Variants in CEP128 observed in about 807,000 individuals in gnomAD.
The protein encoded by CEP128 is centrosomal protein 128kDa.
In CEP128, 132 loss-of-function variants were observed where a neutral mutation model predicts 156.7. That is an observed-to-expected ratio of 0.84 (90% CI 0.73 to 0.97). CEP128 has a LOEUF of 0.97. Ranked by LOEUF, CEP128 falls within the 50% of genes least tolerant of loss-of-function variation. The probability of loss-of-function intolerance (pLI) is 0.00; values close to 1 mark genes in which losing one functional copy is unlikely to be tolerated. For missense variants in CEP128, 1,252 were observed against 1,281.9 expected (o/e 0.98, Z 0.36); for synonymous variants, 469 against 448.9 (o/e 1.04, Z -0.57).
chr14:80,919,003 A>G (rs890091588), intron 2 of CEP128, among the ~76,000 whole-genome samples: 4 of 152,208 alleles, frequency 2.6e-5, no homozygotes, highest in African/African-American at 9.6e-5. Flanking sequence ...TTAAAGCATA[A>G]TAATTTTCAT....
At chr14:80,675,045 G>T (rs1896003358) in intron 19 of CEP128, among the ~76,000 whole-genome samples, 2 of 152,032 alleles carry the variant, frequency 1.3e-5, no homozygotes, top group Admixed American at 1.3e-4. Context: ...TAGCCATTTT[G>T]CTTTAATTGC....
chr14:80,584,384 G>A (rs1891724857), intron 19 of CEP128, among the ~76,000 whole-genome samples: 3 of 151,970 alleles, frequency 2.0e-5, no homozygotes. Context: ...GACCTCAAGT[G>A]ATCCGCCCGC....
chr14:80,569,059 T>C (rs1891033523), intron 20 of CEP128, among the ~76,000 whole-genome samples: 1 of 152,144 alleles, frequency 6.6e-6, no homozygotes, highest in Non-Finnish European at 1.5e-5. Flanking sequence ...TTGAGAGAGA[T>C]GTGAGTTATG....
intron 21 of CEP128, among the ~76,000 whole-genome samples, chr14:80,555,898 T>C (rs577768659): frequency 1.3e-5 from 2 of 152,178 alleles, no homozygotes; most frequent in African/African-American, 4.8e-5. Context: ...ATGGACTGTA[T>C]TTTTTTGGTT....
chr14:80,876,200 A>G (rs535409929), intron 8 of CEP128, among the ~76,000 whole-genome samples: 40 of 152,154 alleles, frequency 2.6e-4, no homozygotes, highest in African/African-American at 9.2e-4. Context: ...ACACACACAC[A>G]TGCACACACA....
chr14:80,663,154 A>T (rs905692678), intron 19 of CEP128, among the ~76,000 whole-genome samples: 2 of 152,202 alleles, frequency 1.3e-5, no homozygotes, highest in African/African-American at 4.8e-5. Context: ...CTGAGAGAGC[A>T]GGCTCTCTAG....
intron 19 of CEP128, among the ~76,000 whole-genome samples, chr14:80,670,140 C>G (rs1371939339): frequency 6.6e-6 from 1 of 152,166 alleles, no homozygotes; most frequent in Non-Finnish European, 1.5e-5. Context: ...AGAAATCCAC[C>G]CCCATGATAC....
chr14:80,601,005 G>C (rs1205652180), intron 19 of CEP128, among the ~76,000 whole-genome samples: 1 of 151,566 alleles, frequency 6.6e-6, no homozygotes, highest in African/African-American at 2.4e-5. Flanking sequence ...ATATGAAGAA[G>C]ATTATACATG....
chr14:80,938,635 A>C (rs1185348290), intron 2 of CEP128, among the ~76,000 whole-genome samples: 1 of 152,158 alleles, frequency 6.6e-6, no homozygotes, highest in Non-Finnish European at 1.5e-5. Context: ...AAATCCAAAA[A>C]AAGGTCCAGA....
chr14:80,680,203 T>C (rs974671558), intron 19 of CEP128, among the ~76,000 whole-genome samples: 1 of 152,110 alleles, frequency 6.6e-6, no homozygotes, highest in South Asian at 2.1e-4. Flanking sequence ...AGCTGTGGTT[T>C]CTCCTAGGTG....
intron 19 of CEP128, among the ~76,000 whole-genome samples, chr14:80,693,280 A>G (rs1896778703): frequency 6.6e-6 from 1 of 152,198 alleles, no homozygotes; most frequent in Non-Finnish European, 1.5e-5. Flanking sequence ...TTCTACTGCT[A>G]GTATTTCAAT....
intron 22 of CEP128, among the ~76,000 whole-genome samples, chr14:80,530,184 T>C (rs1208386119): frequency 6.6e-6 from 1 of 152,242 alleles, no homozygotes; most frequent in African/African-American, 2.4e-5. Flanking sequence ...TAAGGCTATA[T>C]ACGACGTTCT....
At chr14:80,821,600 T>TACACACATACAC (rs1885178578) in intron 13 of CEP128, among the ~76,000 whole-genome samples, 1 of 145,278 alleles carries the variant, frequency 6.9e-6, no homozygotes, top group Non-Finnish European at 1.5e-5. Context: ...CATACACACA[T>TACACACATACAC]ACACACACAC....
chr14:80,828,104 C>A (rs1049954714), intron 13 of CEP128, among the ~76,000 whole-genome samples: 1 of 151,172 alleles, frequency 6.6e-6, no homozygotes, highest in Non-Finnish European at 1.5e-5. Context: ...TTTATTTTGG[C>A]CTACTTTGCT....
At chr14:80,510,975 T>G (rs77986865) in intron 23 of CEP128, among the ~76,000 whole-genome samples, 144 of 152,002 alleles carry the variant, frequency 9.5e-4, no homozygotes, top group Non-Finnish European at 1.8e-3. Context: ...ATCTTTTTAA[T>G]AGATTATTGA....
At chr14:80,758,157 T>C (rs767877072) in intron 17 of CEP128, among the ~76,000 whole-genome samples, 1 of 152,212 alleles carries the variant, frequency 6.6e-6, no homozygotes, top group African/African-American at 2.4e-5. Context: ...GATAATTGGG[T>C]ATAAGTACAA....
At chr14:80,479,039 T>C (rs900292681) in intron 14 of CEP128, among the ~76,000 whole-genome samples, 6 of 152,126 alleles carry the variant, frequency 3.9e-5, no homozygotes, top group African/African-American at 1.4e-4. Flanking sequence ...GGTTCTGAGG[T>C]TGACACTTTT....
At chr14:80,571,746 GA>G (rs1030776758) in intron 20 of CEP128, among the ~76,000 whole-genome samples, 16 of 150,110 alleles carry the variant, frequency 1.1e-4, no homozygotes, top group Admixed American at 2.0e-4. Flanking sequence ...GACGAAGAAG[GA>G]AAAAAAATGG....
chr14:80,620,258 G>A (rs1291046496), intron 19 of CEP128, among the ~76,000 whole-genome samples: 1 of 152,154 alleles, frequency 6.6e-6, no homozygotes, highest in Non-Finnish European at 1.5e-5. Context: ...TTAAGGACAG[G>A]ATGAGAAATT....
Sources: gnomAD v4.1 joint callset for allele counts (sites outside exome capture counted in the v4.1 genomes callset) on GRCh38, gnomAD v4.1.1 for gene constraint, MANE v1.5 for transcripts, NCBI Gene and HGNC (gene_info 2026-07-23, HGNC 2026-07-21) for gene names.